Variants in C14orf132 observed in about 807,000 individuals in gnomAD.
The protein encoded by C14orf132 is uncharacterized protein C14orf132.
In C14orf132, 6 loss-of-function variants were observed where a neutral mutation model predicts 5.8. The ratio of observed to expected loss-of-function variants is 1.03; its 90% confidence interval spans 0.57 to 2.04. C14orf132 has a LOEUF of 2.04. Among genes scored for constraint, C14orf132 ranks in the 30% most tolerant of loss-of-function variants. The pLI, the probability that C14orf132 is intolerant of heterozygous loss-of-function variation, is 0.00. For missense variants in C14orf132, 125 were observed against 115.8 expected (o/e 1.08, Z -0.37); for synonymous variants, 51 against 49.8 (o/e 1.02, Z -0.10).
rs113967012 is a variant in C14orf132, at chr14:96,053,203, C to G, written c.27+13676C>G. Among the ~76,000 whole-genome samples, 3 of 152,280 alleles carry G rather than the reference C, an allele frequency of 2.0e-5. No individual in the cohort carries two copies. In the East Asian group the frequency reaches 5.8e-4, roughly 29 times the overall value. On this transcript the variant is annotated intron_variant, in intron 1 of 1. Coordinates refer to ENST00000555004, the MANE Select transcript of C14orf132 (RefSeq NM_001252507.3). Reference sequence around the variant, plus strand: ...AAAAATGAGTGGGGATGGTTGAAACCATGTCCAGAATCCACACCTTTCCCC... The same window carrying G: ...AAAAATGAGTGGGGATGGTTGAAACGATGTCCAGAATCCACACCTTTCCCC...
chr14:96,063,230 T>C lies in C14orf132; in HGVS notation c.28-23281T>C, dbSNP rs796238008. On this transcript the variant is annotated intron_variant, in intron 1 of 1. Coordinates refer to ENST00000555004, the MANE Select transcript of C14orf132 (RefSeq NM_001252507.3). Reference sequence around the variant, plus strand: ...CATCCCCTCAGGAACAGAGGGTGAATAGGATGGAGGTTCCGTATAAGAACT... The same window carrying C: ...CATCCCCTCAGGAACAGAGGGTGAACAGGATGGAGGTTCCGTATAAGAACT... Among the ~76,000 whole-genome samples the C allele has an allele frequency of 2.4e-4, 37 of 152,190 alleles. 1 individual carries two copies. The highest frequency in any genetic ancestry group is 8.9e-4 in the African/African-American group (37 of 41,512).
rs1055351742 is a variant in C14orf132, at chr14:96,088,183, G to A, written c.*1448G>A. On this transcript the variant is annotated 3_prime_UTR_variant, in exon 2 of 2. Coordinates refer to ENST00000555004, the MANE Select transcript of C14orf132 (RefSeq NM_001252507.3). Reference sequence around the variant, plus strand: ...CAATTACAAGAAAGCTGGACTTGCCGCTGTGGTCTCAGGAGAAATGAGTGT... The same window carrying A: ...CAATTACAAGAAAGCTGGACTTGCCACTGTGGTCTCAGGAGAAATGAGTGT... The A allele has an allele frequency of 2.0e-5, 3 of 152,170 alleles. No homozygotes were observed. Among genetic ancestry groups the A allele is most frequent in the Non-Finnish European group, 2.9e-5 (2 of 68,028 alleles). 9.4% of individuals were successfully genotyped at this position (152,170 alleles called of 1,614,324 possible). A position where few individuals can be genotyped will look rare whatever the true frequency, so the allele number is the denominator to read the frequency against.
chr14:96,050,350 A>G (rs576724998), intron 1 of C14orf132, among the ~76,000 whole-genome samples: 21 of 152,332 alleles, frequency 1.4e-4, no homozygotes, highest in African/African-American at 5.1e-4. Context: ...TCCCCATCAC[A>G]AAGGCAATGC....
intron 1 of C14orf132, among the ~76,000 whole-genome samples, chr14:96,063,772 G>A (rs1429151903): frequency 3.3e-5 from 5 of 152,170 alleles, no homozygotes; most frequent in African/African-American, 1.2e-4. Flanking sequence ...ACAGTCAGCA[G>A]AGTAAACAGA....
At chr14:96,056,312 G>T (rs533885536) in intron 1 of C14orf132, among the ~76,000 whole-genome samples, 3 of 152,312 alleles carry the variant, frequency 2.0e-5, no homozygotes, top group Non-Finnish European at 4.4e-5. Context: ...GAACTGCCCA[G>T]GGCGGCCTGC....
rs1365676238 is a variant in C14orf132 at position 96,090,378 on chromosome 14, G to A, written c.*3643G>A. On this transcript the variant is annotated 3_prime_UTR_variant, in exon 2 of 2. Transcript: ENST00000555004. ...TGCACTCCAGCCTGGGCAACAGAAC[G>A]AGACTCTGTCTCAAAAAAAAAAAAA... The A allele has an allele frequency of 6.9e-5, 20 of 289,856 alleles. No homozygotes were observed. The highest frequency in any genetic ancestry group is 5.6e-4 in the South Asian group (18 of 31,948). 18.0% of individuals were successfully genotyped at this position (289,856 alleles called of 1,614,324 possible). A position where few individuals can be genotyped will look rare whatever the true frequency, so the allele number is the denominator to read the frequency against.
intron 1 of C14orf132, among the ~76,000 whole-genome samples, chr14:96,073,487 C>T (rs1051269880): frequency 1.3e-5 from 2 of 152,144 alleles, no homozygotes; most frequent in African/African-American, 2.4e-5. Context: ...CAGTGAGATA[C>T]CATCTCACGC....
rs541728461 is a variant in C14orf132 at position 96,091,074 on chromosome 14, C to G, written c.*4339C>G. 2.2e-6 allele frequency: 1 copy of G among 451,324 alleles called. No individual in the cohort carries two copies. Among genetic ancestry groups the G allele is most frequent in the Non-Finnish European group, 4.5e-6 (1 of 224,160 alleles). 28.0% of individuals were successfully genotyped at this position (451,324 alleles called of 1,614,324 possible). A position where few individuals can be genotyped will look rare whatever the true frequency, so the allele number is the denominator to read the frequency against. On this transcript the variant is annotated 3_prime_UTR_variant, in exon 2 of 2. Transcript: ENST00000555004. ...CAGAGAGATGCACGTTAATTACTGT[C>G]GCATTTTTCTGTGGAGAAAACTGAG...
intron 1 of C14orf132, among the ~76,000 whole-genome samples, chr14:96,083,951 C>T (rs573162882): frequency 8.0e-4 from 122 of 152,294 alleles, no homozygotes; most frequent in Non-Finnish European, 1.6e-3. Flanking sequence ...CTGGCAGGAA[C>T]CCATCAGAAG....
In C14orf132 at chr14:96,093,794, C is replaced by T. The variant is rs1217331060; in HGVS notation, c.*7059C>T. 6.6e-6 allele frequency: 1 copy of T among 152,172 alleles called. No homozygotes were observed. Among genetic ancestry groups the T allele is most frequent in the East Asian group, 1.9e-4 (1 of 5,206 alleles). The allele number at this position is 152,172 out of a possible 1,614,324, so 9.4% of individuals were successfully genotyped here. A position where few individuals can be genotyped will look rare whatever the true frequency, so the allele number is the denominator to read the frequency against. On this transcript the variant is annotated 3_prime_UTR_variant, in exon 2 of 2. Transcript: ENST00000555004. ...ATTAAAAATATCTAACCTTAAAAGACGTAAAAATGTATCTGTGAAATCTCA... is the reference window on the plus strand; with the variant it reads ...ATTAAAAATATCTAACCTTAAAAGATGTAAAAATGTATCTGTGAAATCTCA...
intron 1 of C14orf132, among the ~76,000 whole-genome samples, chr14:96,054,917 A>G (rs1887134404): frequency 6.6e-6 from 1 of 152,052 alleles, no homozygotes; most frequent in Non-Finnish European, 1.5e-5. Flanking sequence ...AAAACCTTTG[A>G]CTCATTCTGA....
rs1236811981 is a variant in C14orf132 at position 96,039,769 on chromosome 14, C to T, written c.27+242C>T. 1.3e-5 allele frequency among the ~76,000 whole-genome samples: 2 copies of T among 152,292 alleles called. No individual in the cohort carries two copies. Among genetic ancestry groups the T allele is most frequent in the South Asian group, 4.1e-4 (2 of 4,830 alleles). ...GCGGCTCGAGCTGTTCCCGCCCGGG[C>T]CCCTCTCGTTGGCAGGAAGGCTGCG... On this transcript the variant is annotated intron_variant, in intron 1 of 1. Transcript: ENST00000555004. The surrounding 1 kb of genome is among the most constrained non-coding windows in gnomAD (Gnocchi z 5.3).
chr14:96,092,322 C>T lies in C14orf132; in HGVS notation c.*5587C>T, dbSNP rs1324882804. The T allele has an allele frequency of 6.6e-6, 1 of 152,204 alleles. No individual in the cohort carries two copies. The highest frequency in any genetic ancestry group is 1.5e-5 in the Non-Finnish European group (1 of 68,044). 9.4% of individuals were successfully genotyped at this position (152,204 alleles called of 1,614,324 possible). On this transcript the variant is annotated 3_prime_UTR_variant, in exon 2 of 2. Transcript: ENST00000555004. ...AGACATTTGGCAAGGCTGTCATCTG[C>T]TCTTGGGTCCTTTTTCAAGCTGATT...
At chr14:96,080,552 T>G (rs1008966386) in intron 1 of C14orf132, among the ~76,000 whole-genome samples, 2 of 152,218 alleles carry the variant, frequency 1.3e-5, no homozygotes, top group Admixed American at 1.3e-4. Context: ...ATAACCACGC[T>G]TTGAAGATTT....
chr14:96,040,845 C>CA (rs1275079489), intron 1 of C14orf132, among the ~76,000 whole-genome samples: 1 of 151,886 alleles, frequency 6.6e-6, no homozygotes, highest in Non-Finnish European at 1.5e-5. Context: ...GTTTTAGCTA[C>CA]ATGAAAACTA....
At chr14:96,040,899 G>A (rs993921428) in intron 1 of C14orf132, among the ~76,000 whole-genome samples, 1 of 152,160 alleles carries the variant, frequency 6.6e-6, no homozygotes, top group East Asian at 1.9e-4. Context: ...GAAGAACTGT[G>A]TCTGCCTTCC....
chr14:96,057,698 A>G (rs533455044), intron 1 of C14orf132, among the ~76,000 whole-genome samples: 1 of 152,192 alleles, frequency 6.6e-6, no homozygotes, highest in African/African-American at 2.4e-5. Flanking sequence ...AATGATGTCT[A>G]TTGGTCCTTG....
At chr14:96,058,843 T>C (rs1887261589) in intron 1 of C14orf132, among the ~76,000 whole-genome samples, 1 of 152,234 alleles carries the variant, frequency 6.6e-6, no homozygotes, top group South Asian at 2.1e-4. Flanking sequence ...CTATCTCCTG[T>C]GCAGGGTAGC....
At chr14:96,080,657 C>G (rs1387353932) in intron 1 of C14orf132, among the ~76,000 whole-genome samples, 1 of 152,178 alleles carries the variant, frequency 6.6e-6, no homozygotes, top group Non-Finnish European at 1.5e-5. Context: ...CAGGTGGAGG[C>G]CTAAAGGCCA....
Sources: allele counts gnomAD v4.1 joint callset (sites outside exome capture counted in the v4.1 genomes callset), GRCh38; gene constraint gnomAD v4.1.1; non-coding constraint Gnocchi (gnomAD v3.1); transcripts MANE v1.5; gene names NCBI Gene and HGNC (gene_info 2026-07-23, HGNC 2026-07-21).